DENND5B: variants seen among roughly 807,000 people sequenced by gnomAD.
DENND5B encodes the protein DENN domain containing 5B.
A neutral mutation model predicts 140.6 loss-of-function variants in DENND5B; 34 were observed. The ratio of observed to expected loss-of-function variants is 0.24; its 90% CI spans 0.18 to 0.32. The LOEUF is 0.32. Ranked by LOEUF, DENND5B falls within the 10% of genes least tolerant of loss-of-function variation. The pLI is 1.00. For missense variants in DENND5B, 1,142 were observed against 1,560.2 expected (o/e 0.73, Z 4.52); for synonymous variants, 551 against 562.1 (o/e 0.98, Z 0.28).
rs761356688 is a variant in DENND5B, at chr12:31,460,214, T to C, written c.1072A>G (p.Lys358Glu). The C allele has an allele frequency of 1.9e-6, 3 of 1,613,362 alleles. No individual in the cohort carries two copies. The South Asian group carries it at 3.3e-5, about 18-fold the overall frequency. ...LQSKEGTDRSKLELPQEANLC... is the reference protein window; with the variant it reads ...LQSKEGTDRSELELPQEANLC... ...TTTACCTCTTGAGGAAGTTCTAGTT[T>C]AGAACGGTCAGTTCCTTCTTTTGAC... Residue 358 changes from lysine (K) to glutamate (E), a missense_variant, in exon 4 of 21, where the codon AAA becomes GAA. Coordinates refer to ENST00000389082, the MANE Select transcript of DENND5B (RefSeq NM_144973.4).
chr12:31,470,996 T>C (rs577706425), intron 3 of DENND5B, among the ~76,000 whole-genome samples: 1 of 152,314 alleles, frequency 6.6e-6, no homozygotes, highest in African/African-American at 2.4e-5. Flanking sequence ...TGGGATTCAC[T>C]GGATATATAA....
intron 8 of DENND5B, among the ~76,000 whole-genome samples, chr12:31,431,588 T>C (rs1565571867): frequency 6.6e-6 from 1 of 152,336 alleles, no homozygotes; most frequent in East Asian, 1.9e-4. Context: ...TGTTGATGAC[T>C]GAATTTTCTG....
At chr12:31,411,069 G>A (rs1259423887) in intron 13 of DENND5B, among the ~76,000 whole-genome samples, 2 of 138,438 alleles carry the variant, frequency 1.4e-5, no homozygotes, top group East Asian at 2.1e-4. Flanking sequence ...AGACAGTTTT[G>A]CTCTTATTGC....
chr12:31,444,510 C>T (rs113182467), intron 6 of DENND5B, among the ~76,000 whole-genome samples: 1 of 152,214 alleles, frequency 6.6e-6, no homozygotes, highest in Admixed American at 6.5e-5. Flanking sequence ...TCCCAAAGTG[C>T]TGGGATTACA....
intron 2 of DENND5B, among the ~76,000 whole-genome samples, chr12:31,492,117 G>C (rs1946547713): frequency 6.6e-6 from 1 of 152,258 alleles, no homozygotes; most frequent in South Asian, 2.1e-4. Flanking sequence ...AATCCTTTTA[G>C]ATTTGCAGCA....
chr12:31,496,460 G>A (rs1946764826), intron 1 of DENND5B, among the ~76,000 whole-genome samples: 1 of 152,168 alleles, frequency 6.6e-6, no homozygotes, highest in Non-Finnish European at 1.5e-5. Flanking sequence ...CTGTTTAGTA[G>A]ACAGAACACA....
chr12:31,492,219 C>A (rs924466480), intron 2 of DENND5B, among the ~76,000 whole-genome samples: 2 of 152,160 alleles, frequency 1.3e-5, no homozygotes, highest in African/African-American at 4.8e-5. Context: ...CATAAAATAA[C>A]CTCAGGGGCA....
intron 1 of DENND5B, among the ~76,000 whole-genome samples, chr12:31,561,256 T>A (rs1949464855): frequency 6.6e-6 from 1 of 152,190 alleles, no homozygotes; most frequent in Non-Finnish European, 1.5e-5. Context: ...CATTTCCTTA[T>A]CCACATATCG....
At chr12:31,444,157 TTG>T (rs766237249) in intron 6 of DENND5B, 2 of 152,260 alleles carry the variant, frequency 1.3e-5, no homozygotes, top group Non-Finnish European at 2.9e-5. Flanking sequence ...GTAATGGTAG[TTG>T]TGTGATAAAC....
At chr12:31,590,029 G>A (rs753672548) in intron 1 of DENND5B, 4 of 152,338 alleles carry the variant, frequency 2.6e-5, no homozygotes, top group Non-Finnish European at 5.9e-5. Flanking sequence ...GAACAGTGTA[G>A]GCAGTGTCAA....
intron 2 of DENND5B, 36 bp downstream of exon 2, chr12:31,495,774 G>T: frequency 6.9e-7 from 1 of 1,451,312 alleles, no homozygotes; most frequent in Non-Finnish European, 9.4e-7. Flanking sequence ...GTGAAAACAA[G>T]GCTAAAGAGT....
intron 1 of DENND5B, among the ~76,000 whole-genome samples, chr12:31,523,458 C>T (rs185757870): frequency 1.3e-5 from 2 of 152,056 alleles, no homozygotes; most frequent in Non-Finnish European, 1.5e-5. Context: ...GGCACTTAAG[C>T]GGGAATGCAG....
chr12:31,412,799 A>G (rs1942534471), intron 13 of DENND5B, among the ~76,000 whole-genome samples: 1 of 152,190 alleles, frequency 6.6e-6, no homozygotes, highest in Admixed American at 6.5e-5. Flanking sequence ...CAACCTGTAT[A>G]CAGGTTTTAC....
intron 1 of DENND5B, among the ~76,000 whole-genome samples, chr12:31,514,999 T>A (rs1947572683): frequency 6.6e-6 from 1 of 152,158 alleles, no homozygotes; most frequent in Non-Finnish European, 1.5e-5. Flanking sequence ...GGTGCACACC[T>A]GCAGTCCTAG....
intron 7 of DENND5B, among the ~76,000 whole-genome samples, chr12:31,441,765 C>G (rs1010807440): frequency 6.6e-6 from 1 of 152,070 alleles, no homozygotes; most frequent in Non-Finnish European, 1.5e-5. Flanking sequence ...CACGGCTCAC[C>G]GTAGCCTCAA....
intron 1 of DENND5B, among the ~76,000 whole-genome samples, chr12:31,566,190 C>A (rs1361222242): frequency 6.6e-6 from 1 of 152,006 alleles, no homozygotes; most frequent in African/African-American, 2.4e-5. Context: ...CATGGTGGTG[C>A]ACACCTGTAG....
chr12:31,403,272 C>A (rs1669407844), intron 14 of DENND5B, among the ~76,000 whole-genome samples: 1 of 152,168 alleles, frequency 6.6e-6, no homozygotes. Context: ...GCAAGAGGAG[C>A]CCAGGGAGGC....
At chr12:31,414,197 T>A (rs1204582442) in intron 12 of DENND5B, among the ~76,000 whole-genome samples, 1 of 152,180 alleles carries the variant, frequency 6.6e-6, no homozygotes, top group Non-Finnish European at 1.5e-5. Flanking sequence ...CCAAAGTGCA[T>A]GACCCACTGC....
At chr12:31,542,773 T>C (rs1366177226) in intron 1 of DENND5B, among the ~76,000 whole-genome samples, 2 of 152,044 alleles carry the variant, frequency 1.3e-5, no homozygotes, top group Non-Finnish European at 2.9e-5. Flanking sequence ...ATGAGCAACA[T>C]AGCAAAACCC....
Sources: allele counts gnomAD v4.1 joint callset (sites outside exome capture counted in the v4.1 genomes callset), GRCh38; gene constraint gnomAD v4.1.1; transcripts MANE v1.5; gene names NCBI Gene and HGNC (gene_info 2026-07-23, HGNC 2026-07-21).